KLHL1: variants seen among roughly 807,000 people sequenced by gnomAD.
The protein encoded by KLHL1 is kelch like family member 1.
Under a neutral mutation model 77.7 loss-of-function variants are expected in KLHL1, and 47 were observed. That is an observed-to-expected ratio of 0.60 (90% confidence interval 0.48 to 0.77). The LOEUF (loss-of-function observed/expected upper bound fraction) is 0.77. Among genes scored for constraint, KLHL1 ranks in the 30% least tolerant of loss-of-function variants. The pLI is 0.00. For missense variants in KLHL1, 925 were observed against 910.8 expected (o/e 1.02, Z -0.20); for synonymous variants, 360 against 325.2 (o/e 1.11, Z -1.15).
intron 7 of KLHL1, among the ~76,000 whole-genome samples, chr13:69,765,628 G>A (rs186485206): frequency 5.7e-4 from 87 of 152,248 alleles, no homozygotes; most frequent in Non-Finnish European, 1.1e-3. Flanking sequence ...TCCTAATAGA[G>A]CCACTAGTTT....
At chr13:69,910,761 T>C (rs1177524475) in intron 4 of KLHL1, among the ~76,000 whole-genome samples, 1 of 151,858 alleles carries the variant, frequency 6.6e-6, no homozygotes, top group Non-Finnish European at 1.5e-5. Context: ...ATGACACTCA[T>C]ACAAATATAA....
chr13:70,092,667 T>A (rs963129360), intron 1 of KLHL1, among the ~76,000 whole-genome samples: 2 of 152,194 alleles, frequency 1.3e-5, no homozygotes, highest in Non-Finnish European at 2.9e-5. Flanking sequence ...TAATTAGTTT[T>A]ATGAGCTAAG....
intron 6 of KLHL1, among the ~76,000 whole-genome samples, chr13:69,797,750 A>AC (rs1412270386): frequency 6.7e-6 from 1 of 148,646 alleles, no homozygotes; most frequent in African/African-American, 2.6e-5. Context: ...AATGGCATGA[A>AC]CCCGGGAGGC....
chr13:69,895,584 G>A (rs1326436925), intron 4 of KLHL1, among the ~76,000 whole-genome samples: 1 of 152,270 alleles, frequency 6.6e-6, no homozygotes, highest in South Asian at 2.1e-4. Context: ...AGTTCTGGAG[G>A]TCAGAAGTGC....
At position 69,701,896 on chromosome 13, in the gene KLHL1, T is replaced by C. The variant is rs879931708; in HGVS notation, c.2188-135A>G. 2.5e-5 allele frequency: 14 copies of C among 555,202 alleles called. No homozygotes were observed. The Admixed American group carries it at 4.8e-4, about 19-fold the overall frequency. The allele number at this position is 555,202 out of a possible 1,614,324, so 34.4% of individuals were successfully genotyped here. A position where few individuals can be genotyped will look rare whatever the true frequency, so the allele number is the denominator to read the frequency against. ...CCCATTTTAGCCAGAAGTAGTACAG[T>C]AAAAATGAAAACACTGAAAATGGCA... On this transcript the variant is annotated intron_variant, in intron 10 of 10. Transcript: ENST00000377844.
chr13:69,798,663 TTCAAA>T (rs555160422), intron 6 of KLHL1, among the ~76,000 whole-genome samples: 1 of 152,228 alleles, frequency 6.6e-6, no homozygotes, highest in East Asian at 1.9e-4. Flanking sequence ...TTCATTTGAC[TTCAAA>T]TCAAAATTCT....
At chr13:69,828,624 G>T (rs1270744466) in intron 6 of KLHL1, among the ~76,000 whole-genome samples, 1 of 150,180 alleles carries the variant, frequency 6.7e-6, no homozygotes, top group Non-Finnish European at 1.5e-5. Flanking sequence ...TAAAAACCTT[G>T]CTTACTTTCT....
intron 6 of KLHL1, among the ~76,000 whole-genome samples, chr13:69,797,314 G>C (rs17085396): frequency 0.37 from 56,878 of 151,870 alleles, 11,022 homozygotes; most frequent in African/African-American, 0.46. Context: ...ATAATACCAG[G>C]TTGAAAAATA....
At chr13:70,002,008 T>C (rs1327138974) in intron 1 of KLHL1, among the ~76,000 whole-genome samples, 2 of 151,640 alleles carry the variant, frequency 1.3e-5, no homozygotes, top group Middle Eastern at 6.8e-3. Context: ...CTAATCTACA[T>C]CCACCTTAAC....
In KLHL1 at chr13:69,764,929, C is replaced by CTTTTTTTTTTTTTTTTTTTTTT. The variant is rs71196263; in HGVS notation, c.1640-24395_1640-24374dup. On this transcript the variant is annotated intron_variant, in intron 7 of 10. Transcript: ENST00000377844. The stretch of plus-strand genomic sequence containing the variant: ...TCTCATGCTTTCATGTATATCTTTG[C>CTTTTTTTTTTTTTTTTTTTTTT]TTTTTTTTTTTTTTTTTTTTTTTTT... Among the ~76,000 whole-genome samples, 135 of 39,724 alleles carry CTTTTTTTTTTTTTTTTTTTTTT rather than the reference C, an allele frequency of 3.4e-3. 54 individuals are homozygous for CTTTTTTTTTTTTTTTTTTTTTT. The highest frequency in any genetic ancestry group is 5.1e-3 in the Admixed American group (11 of 2,172). The allele number at this position is 39,724 out of a possible 152,430, so 26.1% of individuals were successfully genotyped here.
intron 8 of KLHL1, among the ~76,000 whole-genome samples, chr13:69,721,947 A>G (rs919349479): frequency 1.3e-5 from 2 of 152,108 alleles, no homozygotes; most frequent in African/African-American, 4.8e-5. Context: ...CAAGTTTTTA[A>G]TCATTCTAAA....
At chr13:69,894,966 G>T in intron 4 of KLHL1, 1 of 481,752 alleles carries the variant, frequency 2.1e-6, no homozygotes, top group Non-Finnish European at 4.1e-6. Context: ...ATGACAGAAT[G>T]CTGATGTAGT....
intron 9 of KLHL1, among the ~76,000 whole-genome samples, chr13:69,717,297 T>C (rs1158650282): frequency 6.6e-6 from 1 of 152,142 alleles, no homozygotes; most frequent in Admixed American, 6.6e-5. Context: ...ATGTGCAAAG[T>C]GGTTCCACAG....
chr13:70,029,857 C>T (rs1177074476), intron 1 of KLHL1, among the ~76,000 whole-genome samples: 6 of 152,166 alleles, frequency 3.9e-5, no homozygotes, highest in Non-Finnish European at 2.9e-5. Flanking sequence ...TGAGACCCAT[C>T]TCATGTGCAG....
intron 1 of KLHL1, among the ~76,000 whole-genome samples, chr13:70,044,370 G>A (rs950921898): frequency 6.6e-6 from 1 of 152,112 alleles, no homozygotes; most frequent in Non-Finnish European, 1.5e-5. Flanking sequence ...GTCTAGAATA[G>A]TACTATTTAG....
At chr13:70,084,289 T>C (rs1887466229) in intron 1 of KLHL1, among the ~76,000 whole-genome samples, 1 of 152,136 alleles carries the variant, frequency 6.6e-6, no homozygotes. Flanking sequence ...TTTATAACTA[T>C]ACCCAGCATA....
chr13:69,799,826 G>T (rs1396396178), intron 6 of KLHL1, among the ~76,000 whole-genome samples: 1 of 152,116 alleles, frequency 6.6e-6, no homozygotes, highest in South Asian at 2.1e-4. Context: ...AATGGTCCGT[G>T]GTCTGTTAGG....
At chr13:70,079,564 A>G (rs376632517) in intron 1 of KLHL1, among the ~76,000 whole-genome samples, 45 of 152,308 alleles carry the variant, frequency 3.0e-4, no homozygotes, top group African/African-American at 1.1e-3. Context: ...GTTTACAGGA[A>G]CAGACTAATG....
chr13:69,777,146 C>T (rs1169293592), intron 7 of KLHL1, among the ~76,000 whole-genome samples: 1 of 152,116 alleles, frequency 6.6e-6, no homozygotes, highest in African/African-American at 2.4e-5. Flanking sequence ...CACATGCTCT[C>T]TTGTCTGCCA....
Sources: allele counts gnomAD v4.1 joint callset (sites outside exome capture counted in the v4.1 genomes callset), GRCh38; gene constraint gnomAD v4.1.1; transcripts MANE v1.5; gene names NCBI Gene and HGNC (gene_info 2026-07-23, HGNC 2026-07-21).